The following SCAI variants were observed in gnomAD, a reference collection of about 807,000 sequenced individuals.
The protein encoded by SCAI is suppressor of cancer cell invasion, also known as protein SCAI.
A neutral mutation model predicts 92.2 loss-of-function variants in SCAI; 24 were observed. The observed-to-expected ratio is 0.26, with a 90% CI of 0.19 to 0.37. The LOEUF (loss-of-function observed/expected upper bound fraction) is 0.37, where lower values mean the gene tolerates loss of function less well. SCAI is among the 10% of genes least tolerant of loss of function. SCAI has a pLI of 1.00. For missense variants in SCAI, 450 were observed against 736.2 expected (o/e 0.61, Z 4.50); for synonymous variants, 261 against 258.6 (o/e 1.01, Z -0.09).
chr9:125,083,081 AC>A (rs1834254933), intron 2 of SCAI, among the ~76,000 whole-genome samples: 1 of 152,004 alleles, frequency 6.6e-6, no homozygotes, highest in African/African-American at 2.4e-5. Flanking sequence ...TGTGGGAGGG[AC>A]CCGGATGTAA....
chr9:125,131,407 C>CAA (rs200932061), intron 2 of SCAI, among the ~76,000 whole-genome samples: 36 of 63,296 alleles, frequency 5.7e-4, no homozygotes, highest in African/African-American at 1.8e-3. Flanking sequence ...GACTCCGTCT[C>CAA]AAAAAAAAAA....
At chr9:125,068,032 T>G (rs1564400185) in intron 2 of SCAI, among the ~76,000 whole-genome samples, 1 of 152,184 alleles carries the variant, frequency 6.6e-6, no homozygotes, top group Non-Finnish European at 1.5e-5. Context: ...AAAATAATGT[T>G]AAGTCTGCAT....
At chr9:125,140,708 A>AAAG (rs1268219315) in intron 2 of SCAI, among the ~76,000 whole-genome samples, 2 of 150,966 alleles carry the variant, frequency 1.3e-5, no homozygotes, top group African/African-American at 4.9e-5. Flanking sequence ...AAAAAAAAAA[A>AAAG]AAGAGCTGGG....
rs558959539 is a variant in SCAI at position 124,976,015 on chromosome 9, C to T, written c.1399+99G>A. ...ATATTAAACACCATAAATCCACACG[C>T]GATCATTATGGGAGGAAAAAACAAA... On this transcript the variant is annotated intron_variant, in intron 15 of 17. Transcript: ENST00000336505. 2.4e-4 allele frequency: 183 copies of T among 774,588 alleles called. 1 individual carries two copies. The highest frequency in any genetic ancestry group is 1.9e-3 in the South Asian group (122 of 63,326). 48.0% of individuals were successfully genotyped at this position (774,588 alleles called of 1,614,324 possible).
chr9:125,024,724 A>T (rs1832935675), intron 6 of SCAI, among the ~76,000 whole-genome samples: 1 of 152,164 alleles, frequency 6.6e-6, no homozygotes, highest in African/African-American at 2.4e-5. Flanking sequence ...TAACATCTCC[A>T]CAAAACCTCT....
intron 17 of SCAI, among the ~76,000 whole-genome samples, chr9:124,961,653 A>AC (rs1212578964): frequency 6.6e-6 from 1 of 151,280 alleles, no homozygotes; most frequent in Non-Finnish European, 1.5e-5. Context: ...CCATCTCAAA[A>AC]AAAAAAAAAA....
chr9:125,086,044 C>T (rs914427644), intron 2 of SCAI, among the ~76,000 whole-genome samples: 2 of 152,168 alleles, frequency 1.3e-5, no homozygotes, highest in African/African-American at 2.4e-5. Flanking sequence ...CTTAGTACCA[C>T]CATCTCTATC....
chr9:125,100,764 A>T (rs79547689), intron 2 of SCAI, among the ~76,000 whole-genome samples: 1,954 of 152,322 alleles, frequency 0.013, 102 homozygotes, highest in Admixed American at 0.082. Flanking sequence ...TGATCACAAA[A>T]GACCTCACTA....
chr9:124,960,932 T>C (rs1831423317), intron 17 of SCAI, among the ~76,000 whole-genome samples: 1 of 151,928 alleles, frequency 6.6e-6, no homozygotes, highest in Admixed American at 6.6e-5. Context: ...CCCTGGGCAA[T>C]GCAGCAAAAC....
rs1473617121 is a variant in SCAI at position 124,946,322 on chromosome 9, G to GA, written c.*6484dup. 6.6e-6 allele frequency: 1 copy of GA among 152,068 alleles called. No individual in the cohort carries two copies. The highest frequency in any genetic ancestry group is 2.4e-5 in the African/African-American group (1 of 41,386). The allele number at this position is 152,068 out of a possible 1,614,324, so 9.4% of individuals were successfully genotyped here. A position where few individuals can be genotyped will look rare whatever the true frequency, so the allele number is the denominator to read the frequency against. On this transcript the variant is annotated 3_prime_UTR_variant, in exon 18 of 18. Transcript: ENST00000336505. The surrounding 1 kb of genome is among the most constrained non-coding windows in gnomAD (Gnocchi z 4.0). ...TATTTCTGAATTTAATACTATAATT[G>GA]AAAAGTCTTATGAATAGTTGGCTGT...
chr9:125,140,718 G>T (rs1835646854), intron 2 of SCAI, among the ~76,000 whole-genome samples: 1 of 150,150 alleles, frequency 6.7e-6, no homozygotes, highest in Admixed American at 6.7e-5. Context: ...AAAGAGCTGG[G>T]TGAGGTGTCA....
intron 2 of SCAI, among the ~76,000 whole-genome samples, chr9:125,060,262 G>GAAAA (rs34193153): frequency 6.7e-5 from 6 of 89,516 alleles, no homozygotes; most frequent in African/African-American, 2.4e-4. Flanking sequence ...GGCTTAGTAT[G>GAAAA]AAAAAAAAAA....
rs1001132792 is a variant in SCAI, at chr9:125,010,209, G to A, written c.862-6639C>T. The stretch of plus-strand genomic sequence containing the variant: ...ACAGTGGGTGCAGCGCACCGTGCGC[G>A]AGCCGAAGCAGGGCAAGGCATTGCC... On this transcript the variant is annotated intron_variant, in intron 9 of 17. Transcript: ENST00000336505. Among the ~76,000 whole-genome samples, 27 of 152,342 alleles carry A rather than the reference G, an allele frequency of 1.8e-4. No homozygotes were observed. In the South Asian group the frequency reaches 3.7e-3, roughly 21 times the overall value.
chr9:125,037,042 G>C (rs979398053), intron 3 of SCAI, among the ~76,000 whole-genome samples: 3 of 152,142 alleles, frequency 2.0e-5, no homozygotes, highest in Admixed American at 1.3e-4. Context: ...GCCGAGGCAG[G>C]CTGATCACCT....
intron 2 of SCAI, among the ~76,000 whole-genome samples, chr9:125,118,355 TA>T (rs984434625): frequency 2.0e-5 from 3 of 151,444 alleles, no homozygotes; most frequent in Admixed American, 6.6e-5. Context: ...CTCTAAAAAA[TA>T]AAAATAAAAA....
At chr9:125,037,690 G>A (rs542340679) in intron 3 of SCAI, among the ~76,000 whole-genome samples, 15 of 150,564 alleles carry the variant, frequency 1.0e-4, no homozygotes, top group Non-Finnish European at 1.6e-4. Context: ...CAAGGCGGGC[G>A]GATCATTTGA....
intron 13 of SCAI, among the ~76,000 whole-genome samples, chr9:124,996,938 A>C (rs372582508): frequency 2.0e-5 from 3 of 151,950 alleles, no homozygotes; most frequent in African/African-American, 7.2e-5. Context: ...CCAATATAGT[A>C]TTTTTAATTA....
chr9:125,096,864 C>T (rs142902537), intron 2 of SCAI, among the ~76,000 whole-genome samples: 25 of 152,172 alleles, frequency 1.6e-4, no homozygotes, highest in Admixed American at 1.4e-3. Context: ...ATGCAACTGG[C>T]CTTATTCACT....
At chr9:124,981,197 G>A (rs185781592) in intron 14 of SCAI, among the ~76,000 whole-genome samples, 1 of 152,216 alleles carries the variant, frequency 6.6e-6, no homozygotes, top group Non-Finnish European at 1.5e-5. Context: ...ATTGAATTTT[G>A]TATGTTTGTC....
Sources: gnomAD v4.1 joint callset for allele counts (sites outside exome capture counted in the v4.1 genomes callset) on GRCh38, gnomAD v4.1.1 for gene constraint, Gnocchi (gnomAD v3.1) non-coding constraint, MANE v1.5 for transcripts, NCBI Gene and HGNC (gene_info 2026-07-23, HGNC 2026-07-21) for gene names.